Variants in PIGG observed in about 807,000 individuals in gnomAD.
PIGG encodes the protein phosphatidylinositol glycan anchor biosynthesis class G (EMM blood group), also known as GPI ethanolamine phosphate transferase 2, catalytic subunit.
PIGG carries 70 observed loss-of-function variants against 83.2 expected under a neutral mutation model. The observed-to-expected ratio is 0.84, with a 90% CI of 0.69 to 1.03. The LOEUF (loss-of-function observed/expected upper bound fraction) is 1.03. PIGG is among the 50% of genes least tolerant of loss of function. The pLI, the probability that PIGG is intolerant of heterozygous loss-of-function variation, is 0.00. For missense variants in PIGG, 1,257 were observed against 1,233.6 expected (o/e 1.02, Z -0.28); for synonymous variants, 532 against 519.5 (o/e 1.02, Z -0.33).
intron 2 of PIGG, chr4:500,997 T>C (rs989236986): frequency 7.6e-6 from 3 of 396,562 alleles, no homozygotes; most frequent in Non-Finnish European, 1.5e-5. Context: ...CAAACTCAGA[T>C]AAGTTAAATG....
At chr4:522,008 G>T in intron 8 of PIGG, 67 bp downstream of exon 8, 1 of 1,559,630 alleles carries the variant, frequency 6.4e-7, no homozygotes, top group Non-Finnish European at 8.8e-7. Context: ...GTTATTTCAG[G>T]CTGCCTTTCG....
At chr4:518,160 A>G (rs1724547201) in intron 6 of PIGG, among the ~76,000 whole-genome samples, 1 of 152,232 alleles carries the variant, frequency 6.6e-6, no homozygotes, top group Non-Finnish European at 1.5e-5. Flanking sequence ...GACTTTGGCC[A>G]TGGAGCCATT....
At chr4:503,693 C>G (rs987179118) in intron 2 of PIGG, among the ~76,000 whole-genome samples, 2 of 152,110 alleles carry the variant, frequency 1.3e-5, no homozygotes, top group African/African-American at 4.8e-5. Context: ...CTGGAATGCT[C>G]TGTAGCTGTT....
chr4:537,062 CATG>C (rs1366095342), intron 12 of PIGG: 1 of 152,096 alleles, frequency 6.6e-6, no homozygotes, highest in Non-Finnish European at 1.5e-5. Flanking sequence ...TGGAGAGTAT[CATG>C]ATATTTTTCC....
intron 5 of PIGG, among the ~76,000 whole-genome samples, chr4:512,750 G>C (rs567648854): frequency 6.6e-6 from 1 of 152,120 alleles, no homozygotes; most frequent in Admixed American, 6.5e-5. Context: ...GGGAGGCAGA[G>C]GTTGCAGTGA....
At chr4:539,079 G>T (rs1731448893) in intron 12 of PIGG, 74 bp from the exon 13 acceptor site, 2 of 989,730 alleles carry the variant, frequency 2.0e-6, no homozygotes, top group African/African-American at 3.2e-5. Context: ...GAGTCTTTTT[G>T]AAAATAAAAG....
intron 2 of PIGG, among the ~76,000 whole-genome samples, chr4:504,576 C>T (rs1718938769): frequency 6.6e-6 from 1 of 152,188 alleles, no homozygotes; most frequent in Admixed American, 6.5e-5. Flanking sequence ...TGCCGAGCTC[C>T]TCCCTGTGGC....
chr4:521,895 T>C lies in PIGG; in HGVS notation c.1568T>C (p.Val523Ala), dbSNP rs1385893204. The C allele has an allele frequency of 3.7e-6, 6 of 1,614,216 alleles. No individual in the cohort carries two copies. Among genetic ancestry groups the C allele is most frequent in the Non-Finnish European group, 5.1e-6 (6 of 1,180,034 alleles). Residue 523 changes from valine to alanine, a missense_variant, in exon 8 of 13, where the codon GTG (valine) becomes GCG (alanine). Physicochemically the swap from Val to Ala is moderately conservative, Grantham distance 64 (BLOSUM62 0). Transcript: ENST00000453061. Reference sequence around the variant, plus strand: ...GCCTCGGCGCTGCTGTGTGTGATTGTGTCTGTTCTGACCAACGTGCTCGTG... The same window carrying C: ...GCCTCGGCGCTGCTGTGTGTGATTGCGTCTGTTCTGACCAACGTGCTCGTG... ...VLASALLCVI[V>A]SVLTNVLVGG...
In PIGG at chr4:528,593, G is replaced by A. The variant is rs537108649; in HGVS notation, c.2261+1363G>A. Reference sequence around the variant, plus strand: ...GGATGCTGACGTGCAGGTACCAGCGGTGTTCTGTGGAGATGTCTCAAAGGC... The same window carrying A: ...GGATGCTGACGTGCAGGTACCAGCGATGTTCTGTGGAGATGTCTCAAAGGC... On this transcript the variant is annotated intron_variant, in intron 10 of 12. Transcript: ENST00000453061. This position sits in a 1 kb window ranked among gnomAD's most constrained non-coding sequence, Gnocchi z 4.8. 3 of 985,416 alleles carry A rather than the reference G, an allele frequency of 3.0e-6. No homozygotes were observed. The highest frequency in any genetic ancestry group is 9.4e-5 in the South Asian group (2 of 21,284). 61.0% of individuals were successfully genotyped at this position (985,416 alleles called of 1,614,324 possible).
chr4:526,427 C>CCGGGCTCTGCCCTCTGACAGGCCGT (rs1379057354), intron 9 of PIGG, among the ~76,000 whole-genome samples: 3 of 152,244 alleles, frequency 2.0e-5, no homozygotes, highest in African/African-American at 7.2e-5. Flanking sequence ...GGTCGGGACT[C>CCGGGCTCTGCCCTCTGACAGGCCGT]CGGGCTCTGC....
intron 11 of PIGG, chr4:533,434 C>T (rs368334016): frequency 2.1e-5 from 4 of 191,000 alleles, no homozygotes; most frequent in Admixed American, 1.1e-4. Context: ...ATGCGCCCCT[C>T]GGATGGGGGT....
At chr4:526,876 T>C (rs1469587766) in intron 9 of PIGG, 163 bp from the exon 10 acceptor site, 2 of 840,536 alleles carry the variant, frequency 2.4e-6, no homozygotes, top group Non-Finnish European at 3.7e-6. Context: ...TTTGTTACAC[T>C]TTAAGAACCT....
intron 12 of PIGG, among the ~76,000 whole-genome samples, chr4:537,905 G>A (rs1468186991): frequency 1.3e-5 from 2 of 152,216 alleles, no homozygotes; most frequent in East Asian, 3.9e-4. Flanking sequence ...TGAAGCAGGA[G>A]CCACTTACAG....
At chr4:518,561 C>G (rs1311079455) in intron 6 of PIGG, among the ~76,000 whole-genome samples, 2 of 150,850 alleles carry the variant, frequency 1.3e-5, no homozygotes, top group Non-Finnish European at 2.9e-5. Flanking sequence ...ACACTGCACT[C>G]CAGCCTGGGT....
In PIGG at chr4:515,528, G is replaced by A. The variant is rs1380876571; in HGVS notation, c.902-445G>A. 6.6e-6 allele frequency among the ~76,000 whole-genome samples: 1 copy of A among 152,228 alleles called. No homozygotes were observed. The highest frequency in any genetic ancestry group is 2.4e-5 in the African/African-American group (1 of 41,450). ...CGTGAAGGGTTTATTTTCTCCATGAGCAACAGCATGTGTGCTCGTAGAGGG... is the reference window on the plus strand; with the variant it reads ...CGTGAAGGGTTTATTTTCTCCATGAACAACAGCATGTGTGCTCGTAGAGGG... On this transcript the variant is annotated intron_variant, in intron 5 of 12. Transcript: ENST00000453061. The surrounding 1 kb of genome is among the most constrained non-coding windows in gnomAD (Gnocchi z 4.2).
chr4:527,017 G>C (rs1299021611), intron 9 of PIGG, 22 bp from the exon 10 acceptor site: 14 of 1,613,948 alleles, frequency 8.7e-6, no homozygotes, highest in Non-Finnish European at 1.1e-5. Context: ...ACGTAATGCT[G>C]GCATTTTCCA....
chr4:499,670 T>C (rs1716836713), intron 1 of PIGG, 181 bp downstream of exon 1: 31 of 1,411,050 alleles, frequency 2.2e-5, no homozygotes, highest in Non-Finnish European at 2.8e-5. Context: ...TCTTACAACT[T>C]TGTGGCAACC....
intron 5 of PIGG, among the ~76,000 whole-genome samples, chr4:510,278 G>A (rs577577335): frequency 2.0e-5 from 3 of 152,330 alleles, no homozygotes; most frequent in Admixed American, 1.3e-4. Context: ...GAAGGGATGG[G>A]CTGAATTAAA....
At position 521,795 on chromosome 4, in the gene PIGG, G is replaced by T; in HGVS notation, c.1468G>T (p.Val490Leu). ...ILVLSAVHVIVCTSAESSCYF... is the reference protein window; with the variant it reads ...ILVLSAVHVILCTSAESSCYF... Reference sequence around the variant, plus strand: ...GGTTCTTTCGGCCGTTCACGTCATTGTGTGCACCTCAGCTGAAAGTTCGTG... The same window carrying T: ...GGTTCTTTCGGCCGTTCACGTCATTTTGTGCACCTCAGCTGAAAGTTCGTG... Residue 490 changes from valine to leucine, a missense_variant, in exon 8 of 13, where the codon GTG becomes TTG. By Grantham distance (32) the Val-to-Leu change is conservative (BLOSUM62 1). Transcript: ENST00000453061. 6.2e-7 allele frequency: 1 copy of T among 1,614,194 alleles called. No individual in the cohort carries two copies. Among genetic ancestry groups the T allele is most frequent in the Non-Finnish European group, 8.5e-7 (1 of 1,180,044 alleles).
Sources: gnomAD v4.1 joint callset for allele counts (sites outside exome capture counted in the v4.1 genomes callset) on GRCh38, gnomAD v4.1.1 for gene constraint, Gnocchi (gnomAD v3.1) non-coding constraint, MANE v1.5 for transcripts, NCBI Gene and HGNC (gene_info 2026-07-23, HGNC 2026-07-21) for gene names.